RSU1: variants seen among roughly 807,000 people sequenced by gnomAD.
RSU1 encodes the protein rsu-1.
Under a neutral mutation model 31.1 loss-of-function variants are expected in RSU1, and 26 were observed. That is an observed-to-expected ratio of 0.84 (90% confidence interval 0.61 to 1.16). The LOEUF (loss-of-function observed/expected upper bound fraction) is 1.16, where lower values mean the gene tolerates loss of function less well. Among genes scored for constraint, RSU1 ranks in the 50% most tolerant of loss-of-function variants. RSU1 has a pLI of 0.00. For missense variants in RSU1, 320 were observed against 339.1 expected (o/e 0.94, Z 0.44); for synonymous variants, 164 against 136.3 (o/e 1.20, Z -1.41).
intron 7 of RSU1, among the ~76,000 whole-genome samples, chr10:16,719,152 T>TA (rs935741280): frequency 1.3e-5 from 2 of 151,648 alleles, no homozygotes; most frequent in African/African-American, 4.8e-5. Flanking sequence ...TACAAAAAGA[T>TA]AAAAAATTCG....
intron 8 of RSU1, among the ~76,000 whole-genome samples, chr10:16,623,675 C>T (rs1834109481): frequency 1.3e-5 from 2 of 152,172 alleles, no homozygotes; most frequent in African/African-American, 4.8e-5. Flanking sequence ...TCTGCAGCCT[C>T]GCCAGCATGT....
intron 7 of RSU1, among the ~76,000 whole-genome samples, chr10:16,730,392 G>C (rs557436659): frequency 6.6e-6 from 1 of 152,136 alleles, no homozygotes; most frequent in Admixed American, 6.5e-5. Context: ...ACCACCATGT[G>C]AACAAACCCA....
At chr10:16,680,026 C>T (rs907392332) in intron 8 of RSU1, among the ~76,000 whole-genome samples, 2 of 151,916 alleles carry the variant, frequency 1.3e-5, no homozygotes, top group Non-Finnish European at 2.9e-5. Context: ...GGATTACAGA[C>T]GTGCACCACC....
At chr10:16,606,148 G>A (rs1476350385) in intron 8 of RSU1, among the ~76,000 whole-genome samples, 1 of 152,160 alleles carries the variant, frequency 6.6e-6, no homozygotes, top group Non-Finnish European at 1.5e-5. Context: ...TCCTCTTGCG[G>A]ACACTTTTGT....
rs1588662165 is a variant in RSU1 at position 16,590,958 on chromosome 10, C to T, written c.*2436G>A. ...ACGGAATCTTGCTCTGTCGCCCAGG[C>T]TGGAGTGCGGTGGCTTAATCTCAGC... On this transcript the variant is annotated 3_prime_UTR_variant, in exon 9 of 9. Coordinates refer to ENST00000345264, the MANE Select transcript of RSU1 (RefSeq NM_012425.4). 6.6e-6 allele frequency: 1 copy of T among 152,260 alleles called. No individual in the cohort carries two copies. Among genetic ancestry groups the T allele is most frequent in the South Asian group, 2.1e-4 (1 of 4,816 alleles). The allele number at this position is 152,260 out of a possible 1,614,324, so 9.4% of individuals were successfully genotyped here.
At chr10:16,669,248 C>T (rs539834788) in intron 8 of RSU1, among the ~76,000 whole-genome samples, 2 of 152,190 alleles carry the variant, frequency 1.3e-5, no homozygotes, top group East Asian at 1.9e-4. Context: ...TAAAATAATG[C>T]GCTCACGATC....
chr10:16,808,099 C>T (rs1838314768), intron 2 of RSU1, among the ~76,000 whole-genome samples: 3 of 151,672 alleles, frequency 2.0e-5, no homozygotes, highest in African/African-American at 7.3e-5. Context: ...CTCTCCTTGG[C>T]ATCCAAGCCT....
chr10:16,760,575 G>A (rs367938754), intron 4 of RSU1, among the ~76,000 whole-genome samples: 1 of 150,688 alleles, frequency 6.6e-6, no homozygotes, highest in East Asian at 1.9e-4. Context: ...AAACCAAAAT[G>A]TTATTAGGAA....
In RSU1 at chr10:16,594,788, TA is replaced by T. The variant is rs1339650430; in HGVS notation, c.732-1293del. Among the ~76,000 whole-genome samples, 72 of 139,824 alleles carry T rather than the reference TA, an allele frequency of 5.1e-4. 1 individual carries two copies. Among genetic ancestry groups the T allele is most frequent in the African/African-American group, 1.7e-3 (59 of 34,862 alleles). The allele number at this position is 139,824 out of a possible 152,430, so 91.7% of individuals were successfully genotyped here. ...ATCTATTATATATCATATATATATA[TA>T]TTTTTTTTTTTTTGAGATGGAGTCC... is the stretch of plus-strand genomic sequence containing the variant. On this transcript the variant is annotated intron_variant, in intron 8 of 8. Transcript: ENST00000345264.
intron 4 of RSU1, among the ~76,000 whole-genome samples, chr10:16,758,873 G>A (rs1262126131): frequency 6.6e-6 from 1 of 152,174 alleles, no homozygotes; most frequent in Non-Finnish European, 1.5e-5. Context: ...CTCAGGTGTT[G>A]AAACATAAAG....
At chr10:16,733,491 G>C (rs1056471076) in intron 7 of RSU1, among the ~76,000 whole-genome samples, 25 of 152,092 alleles carry the variant, frequency 1.6e-4, no homozygotes, top group Non-Finnish European at 3.7e-4. Context: ...TTGGGTGACA[G>C]AGTGAGACTC....
At chr10:16,659,544 T>C (rs1391989759) in intron 8 of RSU1, among the ~76,000 whole-genome samples, 1 of 152,190 alleles carries the variant, frequency 6.6e-6, no homozygotes, top group Non-Finnish European at 1.5e-5. Flanking sequence ...AAGTCAAGTG[T>C]GCATATATGC....
chr10:16,609,945 G>A lies in RSU1; in HGVS notation c.732-16449C>T, dbSNP rs866718962. ...TAGCGCTGTCCAAAATATAATTTGA[G>A]CCATGAATGTAGCTTTAAATTTTCT... is the stretch of plus-strand genomic sequence containing the variant. On this transcript the variant is annotated intron_variant, in intron 8 of 8. Coordinates refer to ENST00000345264, the MANE Select transcript of RSU1 (RefSeq NM_012425.4). Among the ~76,000 whole-genome samples the A allele has an allele frequency of 2.6e-5, 4 of 152,158 alleles. 1 individual carries two copies. Among genetic ancestry groups the A allele is most frequent in the Middle Eastern group, 6.8e-3 (2 of 294 alleles).
chr10:16,606,375 T>A (rs183866960), intron 8 of RSU1, among the ~76,000 whole-genome samples: 350 of 152,210 alleles, frequency 2.3e-3, no homozygotes, highest in Admixed American at 3.4e-3. Flanking sequence ...TGACCTCAAG[T>A]GATCTCAGAC....
At chr10:16,755,402 C>T (rs773977696) in intron 4 of RSU1, among the ~76,000 whole-genome samples, 21 of 151,350 alleles carry the variant, frequency 1.4e-4, no homozygotes, top group Non-Finnish European at 2.9e-4. Flanking sequence ...GGATTACAGG[C>T]GTGAGCCCCC....
chr10:16,779,763 T>G (rs941819883), intron 3 of RSU1, among the ~76,000 whole-genome samples: 1 of 152,194 alleles, frequency 6.6e-6, no homozygotes, highest in Non-Finnish European at 1.5e-5. Flanking sequence ...CCACTTACAC[T>G]TAATGCATAT....
intron 7 of RSU1, among the ~76,000 whole-genome samples, chr10:16,722,628 A>T (rs1294958093): frequency 2.6e-5 from 4 of 152,144 alleles, no homozygotes; most frequent in Non-Finnish European, 2.9e-5. Context: ...ATCCAAAATT[A>T]AAGTTAAGGA....
At chr10:16,655,131 CAATCT>C (rs1337951839) in intron 8 of RSU1, among the ~76,000 whole-genome samples, 2 of 148,658 alleles carry the variant, frequency 1.3e-5, no homozygotes, top group Admixed American at 6.7e-5. Context: ...AAGTGAAATG[CAATCT>C]AATAATTAGT....
intron 7 of RSU1, among the ~76,000 whole-genome samples, chr10:16,700,017 A>T (rs540448344): frequency 6.6e-6 from 1 of 152,348 alleles, no homozygotes; most frequent in Admixed American, 6.5e-5. Context: ...CTGGTTATAA[A>T]TGTGACTGAA....
Sources: allele counts gnomAD v4.1 joint callset (sites outside exome capture counted in the v4.1 genomes callset), GRCh38; gene constraint gnomAD v4.1.1; transcripts MANE v1.5; gene names NCBI Gene and HGNC (gene_info 2026-07-23, HGNC 2026-07-21).